Variants in PHACTR3 observed in about 807,000 individuals in gnomAD.
The protein encoded by PHACTR3 is protein phosphatase 1, regulatory subunit 123.
PHACTR3 carries 16 observed loss-of-function variants against 66.8 expected under a neutral mutation model. The ratio of observed to expected loss-of-function variants is 0.24; its 90% CI spans 0.16 to 0.36. The LOEUF (loss-of-function observed/expected upper bound fraction) is 0.36. Ranked by LOEUF, PHACTR3 falls within the 10% of genes least tolerant of loss-of-function variation. The probability of loss-of-function intolerance (pLI) is 1.00; values close to 1 mark genes in which losing one functional copy is unlikely to be tolerated. For synonymous variants in PHACTR3, 323 were observed against 292.1 expected, an observed-to-expected ratio of 1.11 and a Z score of -1.08; for missense variants, 647 against 719.9, an observed-to-expected ratio of 0.90 and a Z score of 1.16.
chr20:59,773,236 C>A, intron 5 of PHACTR3, 43 bp from the exon 6 acceptor site: 2 of 1,581,282 alleles, frequency 1.3e-6, no homozygotes, highest in South Asian at 1.2e-5. Context: ...TTGGTCCCAG[C>A]TCCTGAAGAC....
chr20:59,737,664 G>A (rs1420326291), intron 1 of PHACTR3, among the ~76,000 whole-genome samples: 1 of 152,108 alleles, frequency 6.6e-6, no homozygotes, highest in Non-Finnish European at 1.5e-5. Context: ...ATCCCACATG[G>A]GGTGAGCCAG....
intron 1 of PHACTR3, among the ~76,000 whole-genome samples, chr20:59,582,776 C>T (rs1042353936): frequency 3.3e-5 from 5 of 152,156 alleles, no homozygotes; most frequent in African/African-American, 9.6e-5. Flanking sequence ...CGTGTGTTTC[C>T]GAGTGGTTTG....
chr20:59,634,636 A>G (rs1255383472), intron 1 of PHACTR3, among the ~76,000 whole-genome samples: 1 of 152,188 alleles, frequency 6.6e-6, no homozygotes, highest in Non-Finnish European at 1.5e-5. Flanking sequence ...CTGGCCCTTC[A>G]TAGAAAAAGA....
chr20:59,711,348 T>C (rs969020024), intron 1 of PHACTR3, among the ~76,000 whole-genome samples: 6 of 152,192 alleles, frequency 3.9e-5, no homozygotes, highest in African/African-American at 1.4e-4. Context: ...TTGACACACA[T>C]TGCCAAACGT....
Position 59,775,087 on chromosome 20 carries a change from A to AAGG in PHACTR3, c.1174+597_1174+598insAGG, listed in dbSNP as rs2040487948. On this transcript the variant is annotated intron_variant, in intron 7 of 12. Transcript: ENST00000371015. ...ATTTGTCCTCATGGTGCGTTCTCCC[A>AAGG]TGAGGTAATTGCTCCATCCTACCCT... is the stretch of plus-strand genomic sequence containing the variant. Among the ~76,000 whole-genome samples, 6 of 26,524 alleles carry AAGG rather than the reference A, an allele frequency of 2.3e-4. No homozygotes were observed. The South Asian group carries it at 5.3e-3, about 24-fold the overall frequency. The allele number at this position is 26,524 out of a possible 152,430, so 17.4% of individuals were successfully genotyped here.
intron 8 of PHACTR3, among the ~76,000 whole-genome samples, chr20:59,817,687 T>C (rs2041925287): frequency 6.6e-6 from 1 of 152,248 alleles, no homozygotes; most frequent in Non-Finnish European, 1.5e-5. Flanking sequence ...ACTCAGATCC[T>C]GTGGGCCATC....
chr20:59,602,237 G>T (rs138342149), upstream of PHACTR3, among the ~76,000 whole-genome samples: 12 of 152,070 alleles, frequency 7.9e-5, no homozygotes, highest in Non-Finnish European at 1.3e-4. Context: ...CAGCCAGCGA[G>T]GCTGTGCTCC....
chr20:59,712,090 A>C (rs1476710861), intron 1 of PHACTR3, among the ~76,000 whole-genome samples: 3 of 152,086 alleles, frequency 2.0e-5, no homozygotes, highest in Non-Finnish European at 4.4e-5. Context: ...TGGACTAGCC[A>C]TTCTTTTGTT....
chr20:59,634,581 T>C (rs1275784608), intron 1 of PHACTR3, among the ~76,000 whole-genome samples: 3 of 152,190 alleles, frequency 2.0e-5, no homozygotes, highest in Non-Finnish European at 2.9e-5. Context: ...GCAACAGAAT[T>C]GAGCATTTTC....
In PHACTR3 at chr20:59,755,437, A is replaced by G. The variant is rs1568785438; in HGVS notation, c.541+73A>G. On this transcript the variant is annotated intron_variant, in intron 4 of 12. Coordinates refer to ENST00000371015, the MANE Select transcript of PHACTR3 (RefSeq NM_080672.5). ...TACGTCCCCACTGTTGTCCTTGGCT[A>G]TAGCTTAGGCAACAGCCCTCGTAGA... The G allele has an allele frequency of 2.3e-5, 35 of 1,495,322 alleles. No homozygotes were observed. In the South Asian group the frequency reaches 4.2e-4, roughly 18 times the overall value. The allele number at this position is 1,495,322 out of a possible 1,614,324, so 92.6% of individuals were successfully genotyped here. A position where few individuals can be genotyped will look rare whatever the true frequency, so the allele number is the denominator to read the frequency against.
intron 1 of PHACTR3, among the ~76,000 whole-genome samples, chr20:59,667,829 C>T (rs1568690175): frequency 6.6e-6 from 1 of 152,180 alleles, no homozygotes; most frequent in Admixed American, 6.5e-5. Context: ...CGAGAAGGGG[C>T]AGGTGTGTGT....
intron 1 of PHACTR3, among the ~76,000 whole-genome samples, 157 bp from the exon 2 acceptor site, chr20:59,742,950 C>T (rs1025121674): frequency 4.6e-5 from 7 of 152,178 alleles, no homozygotes; most frequent in East Asian, 3.9e-4. Context: ...TGAGCTGCTG[C>T]GGCCACTGTG....
intron 3 of PHACTR3, among the ~76,000 whole-genome samples, chr20:59,749,442 CTT>C (rs1297703312): frequency 6.6e-6 from 1 of 152,214 alleles, no homozygotes; most frequent in African/African-American, 2.4e-5. Flanking sequence ...TGCAAGATGA[CTT>C]TGTCTGATGA....
chr20:59,687,816 G>T (rs111422906), intron 1 of PHACTR3, among the ~76,000 whole-genome samples: 1 of 151,922 alleles, frequency 6.6e-6, no homozygotes, highest in East Asian at 1.9e-4. Flanking sequence ...GCTAGGACAC[G>T]CTTTGAGTAG....
At chr20:59,707,202 C>T (rs972153062) in intron 1 of PHACTR3, among the ~76,000 whole-genome samples, 1 of 152,198 alleles carries the variant, frequency 6.6e-6, no homozygotes, top group African/African-American at 2.4e-5. Flanking sequence ...TTGGCTTCAT[C>T]CCCCATCAGG....
intron 1 of PHACTR3, among the ~76,000 whole-genome samples, chr20:59,649,121 T>A (rs1019993234): frequency 3.9e-5 from 6 of 152,288 alleles, no homozygotes; most frequent in South Asian, 2.1e-4. Context: ...TTACTGAAAT[T>A]TTTTTCCATG....
intron 4 of PHACTR3, among the ~76,000 whole-genome samples, chr20:59,765,531 G>A (rs1254503678): frequency 6.6e-6 from 1 of 152,206 alleles, no homozygotes; most frequent in Non-Finnish European, 1.5e-5. Context: ...TGGCCTTTCT[G>A]AGATAAGGAC....
intron 1 of PHACTR3, among the ~76,000 whole-genome samples, chr20:59,670,810 TG>T (rs1196078958): frequency 6.6e-6 from 1 of 152,200 alleles, no homozygotes; most frequent in East Asian, 1.9e-4. Context: ...TAGACCCAGA[TG>T]GTGCTGTGGT....
chr20:59,649,997 C>A (rs879768463), intron 1 of PHACTR3, among the ~76,000 whole-genome samples: 1 of 151,702 alleles, frequency 6.6e-6, no homozygotes, highest in Non-Finnish European at 1.5e-5. Context: ...GGCAAATGAG[C>A]AAAAAATTTA....
Sources: gnomAD v4.1 joint callset for allele counts (sites outside exome capture counted in the v4.1 genomes callset) on GRCh38, gnomAD v4.1.1 for gene constraint, MANE v1.5 for transcripts, NCBI Gene and HGNC (gene_info 2026-07-23, HGNC 2026-07-21) for gene names.